NEK11: variants seen among roughly 807,000 people sequenced by gnomAD.
NEK11 encodes serine/threonine-protein kinase Nek11.
Under a neutral mutation model 80.7 loss-of-function variants are expected in NEK11, and 72 were observed. The observed-to-expected ratio is 0.89, with a 90% confidence interval of 0.74 to 1.08. The LOEUF (loss-of-function observed/expected upper bound fraction) is 1.08, where lower values mean the gene tolerates loss of function less well. NEK11 is among the 50% of genes least tolerant of loss of function. The pLI is 0.00. For missense variants in NEK11, 764 were observed against 763.6 expected (o/e 1.00, Z -0.01); for synonymous variants, 251 against 260.7 (o/e 0.96, Z 0.36).
At chr3:131,068,996 C>G (rs1191207821) in intron 3 of NEK11, among the ~76,000 whole-genome samples, 1 of 152,130 alleles carries the variant, frequency 6.6e-6, no homozygotes, top group African/African-American at 2.4e-5. Context: ...GCATATTACA[C>G]TTGCCATGAT....
intron 3 of NEK11, among the ~76,000 whole-genome samples, chr3:131,059,069 T>A (rs1328493000): frequency 6.6e-6 from 1 of 152,198 alleles, no homozygotes; most frequent in Non-Finnish European, 1.5e-5. Flanking sequence ...GTGTAACTGA[T>A]CTGTGGTTCA....
chr3:131,098,004 A>T (rs1378907447), intron 4 of NEK11, among the ~76,000 whole-genome samples: 1 of 145,558 alleles, frequency 6.9e-6, no homozygotes, highest in Non-Finnish European at 1.6e-5. Context: ...AATGCCGCAT[A>T]TCTACAACTA....
chr3:131,120,365 T>C (rs943375956), intron 5 of NEK11, among the ~76,000 whole-genome samples: 5 of 152,278 alleles, frequency 3.3e-5, no homozygotes, highest in African/African-American at 1.2e-4. Flanking sequence ...GTCTGATGGG[T>C]TTCCCTTTGT....
At chr3:131,078,565 G>T (rs542333224) in intron 3 of NEK11, among the ~76,000 whole-genome samples, 37 of 152,216 alleles carry the variant, frequency 2.4e-4, no homozygotes, top group Admixed American at 7.2e-4. Context: ...CCCTGAATAT[G>T]AAACAAGAAG....
At chr3:131,152,348 A>G (rs2089819965) in intron 7 of NEK11, 40 bp from the exon 8 acceptor site, 1 of 1,544,636 alleles carries the variant, frequency 6.5e-7, no homozygotes, top group Non-Finnish European at 8.7e-7. Flanking sequence ...TTAAAATAGG[A>G]TATTTGTTCC....
intron 15 of NEK11, among the ~76,000 whole-genome samples, chr3:131,230,308 C>T (rs894534766): frequency 6.6e-6 from 1 of 152,152 alleles, no homozygotes; most frequent in Non-Finnish European, 1.5e-5. Flanking sequence ...GGTTGGAAAA[C>T]AGATTGCTTG....
intron 16 of NEK11, among the ~76,000 whole-genome samples, chr3:131,253,133 G>A (rs1459439335): frequency 6.6e-6 from 1 of 152,138 alleles, no homozygotes; most frequent in Non-Finnish European, 1.5e-5. Context: ...TGCATAAAGA[G>A]TTGGATATTG....
At chr3:131,185,639 C>T (rs1053192295) in intron 14 of NEK11, among the ~76,000 whole-genome samples, 1 of 152,202 alleles carries the variant, frequency 6.6e-6, no homozygotes, top group Admixed American at 6.5e-5. Flanking sequence ...ACCTGAGAAG[C>T]AGACTTCCAC....
intron 17 of NEK11, among the ~76,000 whole-genome samples, chr3:131,288,604 C>T (rs1156879469): frequency 6.6e-6 from 1 of 151,908 alleles, no homozygotes; most frequent in Non-Finnish European, 1.5e-5. Flanking sequence ...AGGCATGCAC[C>T]ACCGTGCCTG....
intron 4 of NEK11, among the ~76,000 whole-genome samples, chr3:131,104,192 G>A (rs2078822683): frequency 6.6e-6 from 1 of 152,134 alleles, no homozygotes; most frequent in African/African-American, 2.4e-5. Flanking sequence ...GGGTGTTGGG[G>A]GTGATGGGTG....
chr3:131,093,679 T>TA (rs2077052309), intron 4 of NEK11, among the ~76,000 whole-genome samples: 2 of 152,124 alleles, frequency 1.3e-5, no homozygotes, highest in Admixed American at 1.3e-4. Context: ...GTGCTGGGAT[T>TA]ACAGGCGTGA....
chr3:131,063,944 TA>T (rs2071390949), intron 3 of NEK11, among the ~76,000 whole-genome samples: 1 of 152,128 alleles, frequency 6.6e-6, no homozygotes, highest in South Asian at 2.1e-4. Flanking sequence ...CATCAACTGA[TA>T]AATGGATAAA....
rs1300851367 is a variant in NEK11, at chr3:131,221,785, C to T, written c.1400-6743C>T. Among the ~76,000 whole-genome samples, 4 of 152,264 alleles carry T rather than the reference C, an allele frequency of 2.6e-5. No individual in the cohort carries two copies. The East Asian group carries it at 7.7e-4, about 29-fold the overall frequency. ...TTGCATCTGTATGTCATTTTCTCCT[C>T]GAAGGTTCTATAAGATAGAGCAATA... On this transcript the variant is annotated intron_variant, in intron 14 of 17. Transcript: ENST00000383366.
chr3:131,059,299 T>C (rs2070335318), intron 3 of NEK11, among the ~76,000 whole-genome samples: 1 of 152,182 alleles, frequency 6.6e-6, no homozygotes, highest in Non-Finnish European at 1.5e-5. Flanking sequence ...TCAAATTGTA[T>C]ACATTAAGTG....
intron 16 of NEK11, among the ~76,000 whole-genome samples, chr3:131,269,548 G>GCA: frequency 6.6e-6 from 1 of 152,136 alleles, no homozygotes; most frequent in East Asian, 1.9e-4. Flanking sequence ...CTCACCCTCT[G>GCA]TGGGCTGCAC....
intron 16 of NEK11, among the ~76,000 whole-genome samples, chr3:131,258,063 C>G (rs141678754): frequency 3.3e-5 from 5 of 151,562 alleles, no homozygotes; most frequent in African/African-American, 1.2e-4. Flanking sequence ...TGAAGTAACT[C>G]AGGAATGGAA....
intron 14 of NEK11, among the ~76,000 whole-genome samples, chr3:131,205,790 A>T (rs1260838196): frequency 6.6e-6 from 1 of 152,152 alleles, no homozygotes; most frequent in Non-Finnish European, 1.5e-5. Flanking sequence ...CTTTTACAAA[A>T]ATTCTCATCT....
rs932644252 is a variant in NEK11 at position 131,070,000 on chromosome 3, A to G, written c.171-10423A>G. 3.3e-5 allele frequency among the ~76,000 whole-genome samples: 5 copies of G among 152,358 alleles called. No homozygotes were observed. In the South Asian group the frequency reaches 1.0e-3, roughly 32 times the overall value. ...AATAAAAAAAAAATACAAACCTGGAATGAATTATTCATTAGAATATTGCAT... is the reference window on the plus strand; with the variant it reads ...AATAAAAAAAAAATACAAACCTGGAGTGAATTATTCATTAGAATATTGCAT... On this transcript the variant is annotated intron_variant, in intron 3 of 17. Coordinates refer to ENST00000383366, the MANE Select transcript of NEK11 (RefSeq NM_024800.5).
In NEK11 at chr3:131,243,543, TATCTTGGA is replaced by T. The variant is rs746992605; in HGVS notation, c.1621+50_1621+57del. 3.4e-6 allele frequency: 5 copies of T among 1,459,296 alleles called. No individual in the cohort carries two copies. The South Asian group carries it at 5.7e-5, about 17-fold the overall frequency. 90.4% of individuals were successfully genotyped at this position (1,459,296 alleles called of 1,614,324 possible). ...TCAAAATACATTGACAGCTACTGAT[TATCTTGGA>T]ATAACTTGGAAGAAATCTTACAGGT... On this transcript the variant is annotated intron_variant, in intron 16 of 17. Transcript: ENST00000383366.
Sources: gnomAD v4.1 joint callset for allele counts (sites outside exome capture counted in the v4.1 genomes callset) on GRCh38, gnomAD v4.1.1 for gene constraint, MANE v1.5 for transcripts, NCBI Gene and HGNC (gene_info 2026-07-23, HGNC 2026-07-21) for gene names.